Variants in SH3GL2 observed in about 807,000 individuals in gnomAD.
SH3GL2 encodes the protein SH3 domain containing GRB2 like 2, endophilin A1, also known as endophilin-A1.
Under a neutral mutation model 46.0 loss-of-function variants are expected in SH3GL2, and 24 were observed. That is an observed-to-expected ratio of 0.52 (90% confidence interval 0.38 to 0.73). The LOEUF (loss-of-function observed/expected upper bound fraction) is 0.73, where lower values mean the gene tolerates loss of function less well. Among genes scored for constraint, SH3GL2 ranks in the 30% least tolerant of loss-of-function variants. SH3GL2 has a pLI of 0.00. For synonymous variants in SH3GL2, 196 were observed against 147.1 expected (o/e 1.33, Z -2.40); for missense variants, 413 against 424.2 (o/e 0.97, Z 0.23).
intron 1 of SH3GL2, among the ~76,000 whole-genome samples, chr9:17,618,120 A>T (rs1261128280): frequency 6.6e-6 from 1 of 152,196 alleles, no homozygotes; most frequent in African/African-American, 2.4e-5. Context: ...TTGGTTCTCA[A>T]CCGGGGATGA....
At chr9:17,580,981 GTATT>G (rs1818266956) in intron 1 of SH3GL2, among the ~76,000 whole-genome samples, 1 of 152,160 alleles carries the variant, frequency 6.6e-6, no homozygotes, top group Non-Finnish European at 1.5e-5. Context: ...CCTTGAGAGA[GTATT>G]TAACTTCTGA....
intron 1 of SH3GL2, among the ~76,000 whole-genome samples, chr9:17,718,379 A>G (rs1364610556): frequency 6.6e-6 from 1 of 152,112 alleles, no homozygotes; most frequent in African/African-American, 2.4e-5. Flanking sequence ...AGGCTTTGGG[A>G]AAGTACACAA....
intron 1 of SH3GL2, among the ~76,000 whole-genome samples, chr9:17,581,512 T>C (rs973453719): frequency 6.6e-6 from 1 of 152,214 alleles, no homozygotes; most frequent in Non-Finnish European, 1.5e-5. Flanking sequence ...GGAGAGTATG[T>C]AAAGCCCATG....
chr9:17,752,756 A>G (rs1191982267), intron 2 of SH3GL2, among the ~76,000 whole-genome samples: 1 of 152,104 alleles, frequency 6.6e-6, no homozygotes, highest in Non-Finnish European at 1.5e-5. Context: ...CGTTTGTTAC[A>G]TAGGTAGACA....
rs144523647 is a variant in SH3GL2 at position 17,709,597 on chromosome 9, G to A, written c.46-37469G>A. On this transcript the variant is annotated intron_variant, in intron 1 of 8. Coordinates refer to ENST00000380607, the MANE Select transcript of SH3GL2 (RefSeq NM_003026.5). ...AAAACTAGCATGTGAATAATTACATGTTACATATAAAGAAAACGTTTCTCA... is the reference window on the plus strand; with the variant it reads ...AAAACTAGCATGTGAATAATTACATATTACATATAAAGAAAACGTTTCTCA... Among the ~76,000 whole-genome samples, 125 of 151,358 alleles carry A rather than the reference G, an allele frequency of 8.3e-4. 2 individuals are homozygous for A. The East Asian group carries it at 0.023, about 27-fold the overall frequency.
chr9:17,792,428 A>G (rs1480726086), intron 7 of SH3GL2, among the ~76,000 whole-genome samples: 1 of 152,162 alleles, frequency 6.6e-6, no homozygotes, highest in Non-Finnish European at 1.5e-5. Flanking sequence ...TACAGTTACC[A>G]TACCCTAAAC....
At chr9:17,581,773 A>G (rs1818280759) in intron 1 of SH3GL2, among the ~76,000 whole-genome samples, 1 of 152,164 alleles carries the variant, frequency 6.6e-6, no homozygotes, top group African/African-American at 2.4e-5. Context: ...ATCTCAGCAT[A>G]CTGCAACCTC....
At chr9:17,624,977 TGTGA>T (rs1297819168) in intron 1 of SH3GL2, among the ~76,000 whole-genome samples, 1 of 152,136 alleles carries the variant, frequency 6.6e-6, no homozygotes, top group Non-Finnish European at 1.5e-5. Context: ...CTGTTCAGAG[TGTGA>T]GTGAGATGAA....
At position 17,678,827 on chromosome 9, in the gene SH3GL2, T is replaced by A. The variant is rs190427146; in HGVS notation, c.46-68239T>A. Among the ~76,000 whole-genome samples the A allele has an allele frequency of 7.0e-3, 1,067 of 152,296 alleles. 7 individuals are homozygous for A. Among genetic ancestry groups the A allele is most frequent in the Non-Finnish European group, 8.6e-3 (584 of 68,030 alleles). On this transcript the variant is annotated intron_variant, in intron 1 of 8. Coordinates refer to ENST00000380607, the MANE Select transcript of SH3GL2 (RefSeq NM_003026.5). ...TTTTGTATAAGGTGTAAGGAAGGGA[T>A]CTAGTTTCGGCTTTCTCCATATGGC...
chr9:17,795,240 A>G (rs1588344728), intron 8 of SH3GL2, among the ~76,000 whole-genome samples: 2 of 152,330 alleles, frequency 1.3e-5, no homozygotes, highest in African/African-American at 2.4e-5. Context: ...AAGGCAAACT[A>G]TAATGAACTG....
intron 1 of SH3GL2, among the ~76,000 whole-genome samples, chr9:17,598,932 A>G (rs1387194442): frequency 6.6e-6 from 1 of 152,238 alleles, no homozygotes. Flanking sequence ...CAAAGTTGGA[A>G]TAGACTTTAA....
chr9:17,667,494 A>G (rs911076069), intron 1 of SH3GL2, among the ~76,000 whole-genome samples: 2 of 152,178 alleles, frequency 1.3e-5, no homozygotes, highest in Non-Finnish European at 2.9e-5. Context: ...AATATGTTAC[A>G]GATGCATCAG....
At position 17,739,772 on chromosome 9, in the gene SH3GL2, T is replaced by A. The variant is rs62549699; in HGVS notation, c.46-7294T>A. ...CTCTGCATGATCCCTCTATTATAAATTTTTCCAACTCCTTTTGAAGGATGT... is the reference window on the plus strand; with the variant it reads ...CTCTGCATGATCCCTCTATTATAAAATTTTCCAACTCCTTTTGAAGGATGT... On this transcript the variant is annotated intron_variant, in intron 1 of 8. Coordinates refer to ENST00000380607, the MANE Select transcript of SH3GL2 (RefSeq NM_003026.5). Among the ~76,000 whole-genome samples, 3 of 152,002 alleles carry A rather than the reference T, an allele frequency of 2.0e-5. No individual in the cohort carries two copies. In the South Asian group the frequency reaches 6.2e-4, roughly 32 times the overall value.
At chr9:17,789,804 A>G (rs1339303652) in intron 6 of SH3GL2, 51 of 973,294 alleles carry the variant, frequency 5.2e-5, no homozygotes, top group Non-Finnish European at 5.7e-5. Flanking sequence ...TCCTTAACTT[A>G]TGATGGGGTT....
chr9:17,642,343 T>C (rs1179550294), intron 1 of SH3GL2, among the ~76,000 whole-genome samples: 1 of 152,244 alleles, frequency 6.6e-6, no homozygotes, highest in Non-Finnish European at 1.5e-5. Context: ...TCTTTTGCTG[T>C]GCAGAAGCTC....
At chr9:17,681,938 A>G (rs909161350) in intron 1 of SH3GL2, among the ~76,000 whole-genome samples, 2 of 152,218 alleles carry the variant, frequency 1.3e-5, no homozygotes, top group Non-Finnish European at 2.9e-5. Context: ...AAACATATGA[A>G]AAAAAGCTCA....
intron 1 of SH3GL2, among the ~76,000 whole-genome samples, chr9:17,669,827 T>C (rs574742246): frequency 6.6e-6 from 1 of 152,194 alleles, no homozygotes; most frequent in East Asian, 1.9e-4. Flanking sequence ...GAATTCTTGG[T>C]CTCATAGCCA....
At chr9:17,628,061 G>C (rs959640700) in intron 1 of SH3GL2, among the ~76,000 whole-genome samples, 1 of 152,126 alleles carries the variant, frequency 6.6e-6, no homozygotes, top group African/African-American at 2.4e-5. Context: ...CTTTTTTGCA[G>C]TGTAAGGTAC....
intron 1 of SH3GL2, among the ~76,000 whole-genome samples, chr9:17,710,474 G>A (rs915362673): frequency 6.6e-6 from 1 of 151,888 alleles, no homozygotes; most frequent in Non-Finnish European, 1.5e-5. Flanking sequence ...CTGCAATTTA[G>A]GAATGAGAAG....
Sources: allele counts gnomAD v4.1 joint callset (sites outside exome capture counted in the v4.1 genomes callset), GRCh38; gene constraint gnomAD v4.1.1; transcripts MANE v1.5; gene names NCBI Gene and HGNC (gene_info 2026-07-23, HGNC 2026-07-21).